Variants in KMT2C observed in about 807,000 individuals in gnomAD.
The protein encoded by KMT2C is histone-lysine N-methyltransferase 2C.
Under a neutral mutation model 507.9 loss-of-function variants are expected in KMT2C, and 88 were observed. The observed-to-expected ratio is 0.17, with a 90% CI of 0.15 to 0.21. The LOEUF (loss-of-function observed/expected upper bound fraction) is 0.21. Among genes scored for constraint, KMT2C ranks in the 10% least tolerant of loss-of-function variants. The pLI is 1.00. For missense variants in KMT2C, 4,954 were observed against 5,957.8 expected (o/e 0.83, Z 5.55); for synonymous variants, 2,049 against 2,080.8 (o/e 0.98, Z 0.42).
intron 5 of KMT2C, among the ~76,000 whole-genome samples, chr7:152,310,664 T>G (rs1045435249): frequency 9.3e-5 from 14 of 150,396 alleles, no homozygotes; most frequent in Admixed American, 2.0e-4. Flanking sequence ...TTTGGTTCTG[T>G]TTTTTTTTGT....
chr7:152,145,381 C>A, intron 53 of KMT2C, 86 bp from the exon 54 acceptor site: 1 of 1,326,922 alleles, frequency 7.5e-7, no homozygotes. Flanking sequence ...TGGCCCACGA[C>A]AGAAATAACT....
At position 152,143,324 on chromosome 7, in the gene KMT2C, G is replaced by A. The variant is rs2090780571; in HGVS notation, c.14343+1389C>T. 2.0e-5 allele frequency among the ~76,000 whole-genome samples: 3 copies of A among 152,286 alleles called. No individual in the cohort carries two copies. The South Asian group carries it at 6.2e-4, about 32-fold the overall frequency. On this transcript the variant is annotated intron_variant, in intron 55 of 58. Coordinates refer to ENST00000262189, the MANE Select transcript of KMT2C (RefSeq NM_170606.3). ...GTAGCTAATCTCTAAAAATAGACAA[G>A]AAAGATTAGCAGATAAAGTAGAGGA...
chr7:152,186,316 A>G (rs944800414), intron 33 of KMT2C, among the ~76,000 whole-genome samples: 9 of 152,214 alleles, frequency 5.9e-5, no homozygotes, highest in Non-Finnish European at 1.3e-4. Flanking sequence ...TACTTTTAAA[A>G]AAGTTACAGC....
At chr7:152,255,571 A>C (rs2095647375) in intron 9 of KMT2C, among the ~76,000 whole-genome samples, 1 of 152,182 alleles carries the variant, frequency 6.6e-6, no homozygotes, top group African/African-American at 2.4e-5. Context: ...ACACAAGCAC[A>C]GATAAGAAAC....
chr7:152,259,446 G>GCACACACACACACACGCGCACA (rs2095722959), intron 9 of KMT2C, among the ~76,000 whole-genome samples: 1 of 134,688 alleles, frequency 7.4e-6, no homozygotes, highest in Non-Finnish European at 1.6e-5. Flanking sequence ...ACACACACGC[G>GCACACACACACACACGCGCACA]CACACACACA....
rs1475492789 is a variant in KMT2C, at chr7:152,151,010, G to C, written c.12667-3C>G. On this transcript the variant is annotated splice_polypyrimidine_tract_variant and splice_region_variant and intron_variant, in intron 50 of 58. Coordinates refer to ENST00000262189, the MANE Select transcript of KMT2C (RefSeq NM_170606.3). ...CTCTTGGTGCTTTCTCGGGAATCCT[G>C]AAAAGCAAAGAGAAATGTGTGGGAA... is the stretch of plus-strand genomic sequence containing the variant. The C allele has an allele frequency of 2.6e-6, 4 of 1,558,324 alleles. No individual in the cohort carries two copies. Among genetic ancestry groups the C allele is most frequent in the African/African-American group, 1.4e-5 (1 of 73,460 alleles).
chr7:152,161,445 G>A (rs184517001), intron 43 of KMT2C, among the ~76,000 whole-genome samples: 35 of 152,244 alleles, frequency 2.3e-4, no homozygotes, highest in African/African-American at 7.9e-4. Flanking sequence ...GAGCTATTAA[G>A]CAGACCAATT....
intron 1 of KMT2C, among the ~76,000 whole-genome samples, chr7:152,400,641 T>C (rs980757991): frequency 6.6e-6 from 1 of 152,208 alleles, no homozygotes; most frequent in Non-Finnish European, 1.5e-5. Context: ...CAGTCAACTG[T>C]AAGGGCTAAT....
Position 152,163,140 on chromosome 7 carries a change from C to T in KMT2C, c.10437G>A (p.Met3479Ile), listed in dbSNP as rs746606337. The T allele has an allele frequency of 6.2e-7, 1 of 1,614,204 alleles. No individual in the cohort carries two copies. Among genetic ancestry groups the T allele is most frequent in the Non-Finnish European group, 8.5e-7 (1 of 1,180,040 alleles). ...TATTCTGCTGCTGTAAAACCTGCCC[C>T]ATTTGCTGTTGGTGTTGTGGAGACT... ...LQQSPQHQQQ[M>I]GQVLQQQNIQ... is the part of the protein sequence containing the mutation. The change falls in exon 43 of 59, where the codon ATG becomes ATA. Residue 3479 changes from methionine (M) to isoleucine (I), a missense_variant. Around this residue, in one of 29 missense-constraint regions of KMT2C, gnomAD observed 801 missense variants for 751.2 expected, o/e 1.07. Transcript: ENST00000262189.
chr7:152,264,931 T>C (rs556257880), intron 8 of KMT2C, 107 bp downstream of exon 8: 6 of 1,350,940 alleles, frequency 4.4e-6, no homozygotes, highest in East Asian at 2.7e-5. Context: ...TGAATGAATA[T>C]AGCTAAAATA....
intron 6 of KMT2C, among the ~76,000 whole-genome samples, chr7:152,295,930 T>C (rs1025621417): frequency 3.3e-5 from 5 of 151,672 alleles, no homozygotes; most frequent in African/African-American, 1.2e-4. Context: ...TAGCCGGGCA[T>C]GGTGGCGGGT....
chr7:152,158,181 GGGCATCAACTGA>G (rs2092202088), intron 44 of KMT2C, among the ~76,000 whole-genome samples: 1 of 152,174 alleles, frequency 6.6e-6, no homozygotes, highest in South Asian at 2.1e-4. Context: ...GCAAAAACTG[GGGCATCAACTGA>G]GGCTGGGTAC....
At chr7:152,241,947 CT>C (rs1406200359) in intron 14 of KMT2C, among the ~76,000 whole-genome samples, 1 of 151,920 alleles carries the variant, frequency 6.6e-6, no homozygotes, top group African/African-American at 2.4e-5. Context: ...AGAAGACAGA[CT>C]TTGTGTAATT....
intron 7 of KMT2C, 136 bp downstream of exon 7, chr7:152,273,569 C>T (rs910978596): frequency 4.1e-5 from 37 of 912,328 alleles, no homozygotes; most frequent in South Asian, 1.1e-4. Context: ...TCCCTGGCAA[C>T]GATCCCTCAG....
At chr7:152,432,190 T>C (rs1564240045) in intron 1 of KMT2C, among the ~76,000 whole-genome samples, 1 of 152,220 alleles carries the variant, frequency 6.6e-6, no homozygotes, top group Non-Finnish European at 1.5e-5. Flanking sequence ...ACCTACCACC[T>C]GCTGCTTCTG....
intron 1 of KMT2C, among the ~76,000 whole-genome samples, chr7:152,379,981 C>A (rs1039048776): frequency 6.6e-6 from 1 of 152,292 alleles, no homozygotes; most frequent in African/African-American, 2.4e-5. Context: ...ACCTGTAATC[C>A]TAACACTTTG....
intron 1 of KMT2C, among the ~76,000 whole-genome samples, chr7:152,401,371 C>T (rs1270937870): frequency 6.6e-6 from 1 of 151,902 alleles, no homozygotes; most frequent in Non-Finnish European, 1.5e-5. Context: ...TGAGCCACCA[C>T]GTCCAGCCCA....
intron 38 of KMT2C, 77 bp from the exon 39 acceptor site, chr7:152,174,319 A>G: frequency 1.4e-6 from 1 of 700,266 alleles, no homozygotes; most frequent in Non-Finnish European, 2.4e-6. Flanking sequence ...AAATATTACA[A>G]GCTCTTAAAT....
chr7:152,267,303 C>T (rs1193657763), intron 7 of KMT2C, among the ~76,000 whole-genome samples: 3 of 152,130 alleles, frequency 2.0e-5, no homozygotes, highest in African/African-American at 7.2e-5. Context: ...ATCTCAATAG[C>T]CAGATGTTCT....
Sources: allele counts gnomAD v4.1 joint callset (sites outside exome capture counted in the v4.1 genomes callset), GRCh38; gene constraint gnomAD v4.1.1; regional missense constraint gnomAD v4.1.1; transcripts MANE v1.5; gene names NCBI Gene and HGNC (gene_info 2026-07-23, HGNC 2026-07-21).